The following SCN9A variants were observed in gnomAD, a reference collection of about 807,000 sequenced individuals.
SCN9A encodes sodium voltage-gated channel alpha subunit 9, also known as sodium channel protein type 9 subunit alpha.
A neutral mutation model predicts 187.0 loss-of-function variants in SCN9A; 131 were observed. The ratio of observed to expected loss-of-function variants is 0.70; its 90% CI spans 0.61 to 0.81. The LOEUF (loss-of-function observed/expected upper bound fraction) is 0.81, where lower values mean the gene tolerates loss of function less well. Ranked by LOEUF, SCN9A falls within the 30% of genes least tolerant of loss-of-function variation. SCN9A has a pLI of 0.00. For missense variants in SCN9A, 2,252 were observed against 2,396.6 expected (o/e 0.94, Z 1.26); for synonymous variants, 809 against 808.6 (o/e 1.00, Z -0.01).
In SCN9A at chr2:166,342,558, AAT is replaced by A. The variant is rs1004392665; in HGVS notation, c.-50-30754_-50-30753del. ...AGAAAATTTTCTACCTCACGTTTAGAATAGAGTCTCCAATTATTTTTGATCAT... is the reference window on the plus strand; with the variant it reads ...AGAAAATTTTCTACCTCACGTTTAGAAGAGTCTCCAATTATTTTTGATCAT... On this transcript the variant is annotated intron_variant, in intron 1 of 26. Coordinates refer to ENST00000642356, the MANE Select transcript of SCN9A (RefSeq NM_001365536.1). Among the ~76,000 whole-genome samples, 26 of 152,162 alleles carry A rather than the reference AAT, an allele frequency of 1.7e-4. 1 individual carries two copies. The highest frequency in any genetic ancestry group is 6.3e-4 in the African/African-American group (26 of 41,436).
At position 166,272,529 on chromosome 2, in the gene SCN9A, C is replaced by A. The variant is rs779723663; in HGVS notation, c.3221G>T (p.Ser1074Ile). Residue 1074 changes from serine (S) to isoleucine (I), a missense_variant, in exon 17 of 27, where the codon AGT (serine) becomes ATT (isoleucine). Ser to Ile is a moderately radical substitution (Grantham distance 142). This residue lies in a region of SCN9A where 313 missense variants were observed against 295.3 expected (regional missense o/e 1.06). Transcript: ENST00000642356. ...SSVDKHLMED[S>I]DGQSFIHNPS... ...ATTGTGAATAAATGATTGACCATCACTGTCTTCCATCAAGTGTTTGTCCAC... is the reference window on the plus strand; with the variant it reads ...ATTGTGAATAAATGATTGACCATCAATGTCTTCCATCAAGTGTTTGTCCAC... The A allele has an allele frequency of 6.2e-7, 1 of 1,613,490 alleles. No individual in the cohort carries two copies. The highest frequency in any genetic ancestry group is 8.5e-7 in the Non-Finnish European group (1 of 1,179,706).
chr2:166,317,085 T>C (rs1574919365), intron 1 of SCN9A, among the ~76,000 whole-genome samples: 1 of 152,090 alleles, frequency 6.6e-6, no homozygotes, highest in East Asian at 1.9e-4. Context: ...TTTAAAATGA[T>C]ATTTAATTTA....
chr2:166,238,352 A>C, intron 19 of SCN9A, 85 bp from the exon 20 acceptor site: 1 of 880,924 alleles, frequency 1.1e-6, no homozygotes, highest in African/African-American at 1.7e-5. Context: ...TACAATTCTA[A>C]TGCTAAGACT....
chr2:166,275,249 A>C (rs1697179230), intron 16 of SCN9A, among the ~76,000 whole-genome samples: 1 of 152,132 alleles, frequency 6.6e-6, no homozygotes, highest in Non-Finnish European at 1.5e-5. Context: ...TTCACAAGTT[A>C]TACCTTTCCC....
chr2:166,292,975 C>A (rs1023054744), intron 9 of SCN9A, among the ~76,000 whole-genome samples: 1 of 151,984 alleles, frequency 6.6e-6, no homozygotes, highest in Non-Finnish European at 1.5e-5. Flanking sequence ...TTAACTAGGA[C>A]CCCATGGGAT....
chr2:166,289,120 C>T (rs747213138), intron 9 of SCN9A, among the ~76,000 whole-genome samples: 8 of 149,552 alleles, frequency 5.3e-5, no homozygotes, highest in African/African-American at 1.5e-4. Flanking sequence ...CTTTTTTTTT[C>T]GCTTTCTTTG....
At chr2:166,251,944 A>G (rs1334076121) in intron 17 of SCN9A, 59 bp from the exon 18 acceptor site, 2 of 1,574,284 alleles carry the variant, frequency 1.3e-6, no homozygotes, top group Non-Finnish European at 1.7e-6. Context: ...CAAATATGAT[A>G]TTTAAGCCTT....
intron 1 of SCN9A, among the ~76,000 whole-genome samples, chr2:166,333,276 T>C (rs985123512): frequency 1.7e-4 from 26 of 152,128 alleles, no homozygotes; most frequent in Admixed American, 1.7e-3. Flanking sequence ...TAATTGTTTA[T>C]CTAAAATAAA....
intron 1 of SCN9A, among the ~76,000 whole-genome samples, chr2:166,323,573 T>C (rs1235806742): frequency 1.3e-5 from 2 of 152,052 alleles, no homozygotes; most frequent in Non-Finnish European, 2.9e-5. Flanking sequence ...GGAAAAAATG[T>C]GAGTTGTGCC....
intron 1 of SCN9A, among the ~76,000 whole-genome samples, chr2:166,346,796 T>C (rs13026637): frequency 0.22 from 33,284 of 152,068 alleles, 4,515 homozygotes; most frequent in African/African-American, 0.38. Flanking sequence ...GTATATGATA[T>C]ATAAAAGTAC....
At position 166,305,715 on chromosome 2, in the gene SCN9A, A is replaced by C. The variant is rs1041026600; in HGVS notation, c.596+77T>G. 4 of 1,575,982 alleles carry C rather than the reference A, an allele frequency of 2.5e-6. No individual in the cohort carries two copies. In the African/African-American group the frequency reaches 4.1e-5, roughly 16 times the overall value. On this transcript the variant is annotated intron_variant, in intron 5 of 26. Transcript: ENST00000642356. ...CCATGCTGGAAAAATCAGACCCCAGAGGTTTGCTGTTATTGGAACACTGTG... is the reference window on the plus strand; with the variant it reads ...CCATGCTGGAAAAATCAGACCCCAGCGGTTTGCTGTTATTGGAACACTGTG...
At chr2:166,237,471 C>T (rs1388536792) in intron 20 of SCN9A, among the ~76,000 whole-genome samples, 1 of 152,056 alleles carries the variant, frequency 6.6e-6, no homozygotes, top group Non-Finnish European at 1.5e-5. Flanking sequence ...TGCCCCACTG[C>T]CATTCTGGAG....
In SCN9A at chr2:166,288,816, G is replaced by A. The variant is rs181571702; in HGVS notation, c.1108-173C>T. Among the ~76,000 whole-genome samples, 63 of 152,170 alleles carry A rather than the reference G, an allele frequency of 4.1e-4. 1 individual carries two copies. Among genetic ancestry groups the A allele is most frequent in the African/African-American group, 1.3e-3 (55 of 41,526 alleles). ...CAAATATTAAACACATTTTCAGTACGAAGAATATAGCAATGTAATATGCTT... is the reference window on the plus strand; with the variant it reads ...CAAATATTAAACACATTTTCAGTACAAAGAATATAGCAATGTAATATGCTT... On this transcript the variant is annotated intron_variant, in intron 9 of 26. Coordinates refer to ENST00000642356, the MANE Select transcript of SCN9A (RefSeq NM_001365536.1).
chr2:166,214,343 C>A (rs758452291), intron 24 of SCN9A, among the ~76,000 whole-genome samples: 2 of 152,050 alleles, frequency 1.3e-5, no homozygotes, highest in African/African-American at 4.8e-5. Context: ...TTAGGCTACA[C>A]GTTTTCCAGC....
intron 9 of SCN9A, among the ~76,000 whole-genome samples, chr2:166,292,639 A>T (rs1698126982): frequency 6.6e-6 from 1 of 152,174 alleles, no homozygotes. Flanking sequence ...CTATACAAGT[A>T]AATGGAGACC....
In SCN9A at chr2:166,277,289, A is replaced by C. The variant is rs1697278774; in HGVS notation, c.2568T>G (p.Ile856Met). 6.2e-7 allele frequency: 1 copy of C among 1,613,582 alleles called. No individual in the cohort carries two copies. The highest frequency in any genetic ancestry group is 8.5e-7 in the Non-Finnish European group (1 of 1,179,622). Residue 856 changes from isoleucine to methionine, a missense_variant, in exon 16 of 27, where the codon ATT (isoleucine) becomes ATG (methionine). Ile to Met is a conservative substitution (Grantham distance 10, BLOSUM62 1). Transcript: ENST00000642356. ...AKSWPTLNML[I>M]KIIGNSVGAL... ...CCCCTACTGAGTTACCAATGATCTT[A>C]ATCAGCATGTTCAATGTTGGCCAGG...
At chr2:166,250,959 G>A (rs896303300) in intron 18 of SCN9A, among the ~76,000 whole-genome samples, 1 of 151,600 alleles carries the variant, frequency 6.6e-6, no homozygotes, top group African/African-American at 2.4e-5. Context: ...ATAAAGACTG[G>A]AGGAAGCTGT....
At chr2:166,364,171 A>G (rs1700358426) in intron 1 of SCN9A, among the ~76,000 whole-genome samples, 1 of 151,834 alleles carries the variant, frequency 6.6e-6, no homozygotes. Flanking sequence ...TAAAAAAAAA[A>G]AAGGAAAAGA....
intron 18 of SCN9A, among the ~76,000 whole-genome samples, chr2:166,246,332 G>A (rs1277572661): frequency 6.6e-6 from 1 of 151,672 alleles, no homozygotes; most frequent in Non-Finnish European, 1.5e-5. Context: ...GAAAAAAAAA[G>A]GTGAATGGAA....
Sources: gnomAD v4.1 joint callset for allele counts (sites outside exome capture counted in the v4.1 genomes callset) on GRCh38, gnomAD v4.1.1 for gene constraint, gnomAD v4.1.1 regional missense constraint, MANE v1.5 for transcripts, NCBI Gene and HGNC (gene_info 2026-07-23, HGNC 2026-07-21) for gene names.